Variants in CSMD2 observed in about 807,000 individuals in gnomAD.
The protein encoded by CSMD2 is CUB and sushi domain-containing protein 2.
Under a neutral mutation model 398.5 loss-of-function variants are expected in CSMD2, and 130 were observed. The ratio of observed to expected loss-of-function variants is 0.33; its 90% CI spans 0.28 to 0.38. The LOEUF (loss-of-function observed/expected upper bound fraction) is 0.38, where lower values mean the gene tolerates loss of function less well. CSMD2 is among the 10% of genes least tolerant of loss of function. CSMD2 has a pLI of 1.00. For missense variants in CSMD2, 3,829 were observed against 4,764.9 expected (o/e 0.80, Z 5.78); for synonymous variants, 1,828 against 1,908.5 (o/e 0.96, Z 1.10).
At chr1:33,631,754 A>G (rs1445352948) in intron 32 of CSMD2, among the ~76,000 whole-genome samples, 1 of 152,116 alleles carries the variant, frequency 6.6e-6, no homozygotes, top group Non-Finnish European at 1.5e-5. Context: ...GTTAATATAA[A>G]CGTGAGTTCA....
At chr1:33,715,692 G>A (rs910154003) in intron 20 of CSMD2, among the ~76,000 whole-genome samples, 4 of 152,188 alleles carry the variant, frequency 2.6e-5, no homozygotes, top group African/African-American at 9.7e-5. Context: ...GCTGAGAAAG[G>A]TGGAGGGAGG....
intron 6 of CSMD2, among the ~76,000 whole-genome samples, chr1:33,829,960 G>T (rs1352180998): frequency 6.6e-6 from 1 of 152,218 alleles, no homozygotes; most frequent in Non-Finnish European, 1.5e-5. Flanking sequence ...GGGGGGAGGG[G>T]CGCCCGCCAT....
chr1:34,055,393 G>A (rs1043432784), intron 2 of CSMD2, among the ~76,000 whole-genome samples: 2 of 152,058 alleles, frequency 1.3e-5, no homozygotes, highest in South Asian at 2.1e-4. Flanking sequence ...ATCAGGTCCC[G>A]TAGGTTGAGG....
chr1:33,934,651 C>G (rs1281079108), intron 4 of CSMD2, among the ~76,000 whole-genome samples: 1 of 152,106 alleles, frequency 6.6e-6, no homozygotes, highest in East Asian at 1.9e-4. Flanking sequence ...ACAGTTAAAA[C>G]AGGTAAATTT....
chr1:33,724,476 G>A (rs779207825), intron 18 of CSMD2, 40 bp downstream of exon 18: 1 of 1,595,870 alleles, frequency 6.3e-7, no homozygotes, highest in South Asian at 1.1e-5. Flanking sequence ...TGGCAGGAGA[G>A]GAGTCTGCTA....
rs1658275923 is a variant in CSMD2, at chr1:34,089,263, C to G, written c.188-70G>C. 1.1e-5 allele frequency: 15 copies of G among 1,422,622 alleles called. No individual in the cohort carries two copies. The South Asian group carries it at 1.7e-4, about 16-fold the overall frequency. The allele number at this position is 1,422,622 out of a possible 1,614,324, so 88.1% of individuals were successfully genotyped here. A position where few individuals can be genotyped will look rare whatever the true frequency, so the allele number is the denominator to read the frequency against. Reference sequence around the variant, plus strand: ...CTAGAAGCTTCTAGAGAGTCAGGAGCAATGTGTTAGCAAATCATGAACCCA... The same window carrying G: ...CTAGAAGCTTCTAGAGAGTCAGGAGGAATGTGTTAGCAAATCATGAACCCA... On this transcript the variant is annotated intron_variant, in intron 1 of 70. Coordinates refer to ENST00000373381, the MANE Select transcript of CSMD2 (RefSeq NM_001281956.2).
intron 44 of CSMD2, among the ~76,000 whole-genome samples, chr1:33,593,449 T>C (rs548800457): frequency 5.2e-4 from 79 of 152,340 alleles, no homozygotes; most frequent in Non-Finnish European, 8.4e-4. Context: ...GGAGGCCTCA[T>C]AATCATGGTG....
intron 2 of CSMD2, among the ~76,000 whole-genome samples, chr1:34,059,258 C>T (rs901729932): frequency 2.0e-5 from 3 of 152,166 alleles, no homozygotes; most frequent in African/African-American, 7.2e-5. Context: ...GCAAAAGCTA[C>T]ACCCCAAGGG....
chr1:33,714,520 C>T, intron 21 of CSMD2, 67 bp downstream of exon 21: 1 of 1,544,460 alleles, frequency 6.5e-7, no homozygotes, highest in South Asian at 1.2e-5. Flanking sequence ...TCCACCACCT[C>T]ACATCAATTG....
At chr1:33,618,831 A>C (rs563855599) in intron 37 of CSMD2, among the ~76,000 whole-genome samples, 20 of 152,018 alleles carry the variant, frequency 1.3e-4, no homozygotes, top group Non-Finnish European at 2.9e-4. Context: ...CCACAGACCC[A>C]GGATTCAGAC....
intron 3 of CSMD2, among the ~76,000 whole-genome samples, chr1:34,027,332 AT>A (rs930749863): frequency 1.4e-4 from 21 of 152,164 alleles, no homozygotes; most frequent in Non-Finnish European, 2.4e-4. Flanking sequence ...ATGGGATGTC[AT>A]TTTCCACCCA....
At chr1:34,065,589 T>C (rs1655024129) in intron 2 of CSMD2, among the ~76,000 whole-genome samples, 1 of 152,200 alleles carries the variant, frequency 6.6e-6, no homozygotes, top group South Asian at 2.1e-4. Context: ...CTGCTTGAGC[T>C]TGAGACAATG....
chr1:33,567,574 G>A lies in CSMD2; in HGVS notation c.8380+19C>T. 1.9e-6 allele frequency: 3 copies of A among 1,613,374 alleles called. No homozygotes were observed. Among genetic ancestry groups the A allele is most frequent in the Non-Finnish European group, 2.5e-6 (3 of 1,179,552 alleles). ...TGAATCTGAGCCCCATGACTAGGGA[G>A]AGTGGATGACATACTTACGCACACA... On this transcript the variant is annotated intron_variant, in intron 53 of 70. Coordinates refer to ENST00000373381, the MANE Select transcript of CSMD2 (RefSeq NM_001281956.2).
At chr1:33,796,489 C>G (rs1569989917) in intron 10 of CSMD2, among the ~76,000 whole-genome samples, 9 of 152,226 alleles carry the variant, frequency 5.9e-5, no homozygotes. Context: ...GGACATTTAT[C>G]AGTTCCCAAA....
chr1:33,845,427 T>A (rs1661260576), intron 6 of CSMD2, among the ~76,000 whole-genome samples: 1 of 152,382 alleles, frequency 6.6e-6, no homozygotes, highest in Non-Finnish European at 1.5e-5. Context: ...CTGCCAGGCT[T>A]GGGTTCTTGT....
intron 25 of CSMD2, among the ~76,000 whole-genome samples, chr1:33,671,980 T>C (rs1427443953): frequency 2.1e-5 from 3 of 139,932 alleles, no homozygotes; most frequent in East Asian, 2.3e-4. Context: ...CCATTGCAAA[T>C]TGGAAAGACA....
intron 2 of CSMD2, among the ~76,000 whole-genome samples, chr1:34,050,266 AAGG>A (rs1337428793): frequency 1.3e-5 from 2 of 152,168 alleles, no homozygotes; most frequent in African/African-American, 2.4e-5. Flanking sequence ...TCCATTGTAG[AAGG>A]AGAAGTGTTT....
chr1:33,631,855 G>A (rs1642486203), intron 32 of CSMD2, among the ~76,000 whole-genome samples: 1 of 152,016 alleles, frequency 6.6e-6, no homozygotes, highest in Non-Finnish European at 1.5e-5. Flanking sequence ...ATATAATTTG[G>A]AGGCAAAAGT....
At chr1:33,637,731 TG>T (rs999439020) in intron 29 of CSMD2, among the ~76,000 whole-genome samples, 1 of 152,004 alleles carries the variant, frequency 6.6e-6, no homozygotes, top group African/African-American at 2.4e-5. Flanking sequence ...GATACATTAT[TG>T]GGGGGCAACA....
Sources: gnomAD v4.1 joint callset for allele counts (sites outside exome capture counted in the v4.1 genomes callset) on GRCh38, gnomAD v4.1.1 for gene constraint, MANE v1.5 for transcripts, NCBI Gene and HGNC (gene_info 2026-07-23, HGNC 2026-07-21) for gene names.